SHQ1: variants seen among roughly 807,000 people sequenced by gnomAD.
The protein encoded by SHQ1 is protein SHQ1 homolog.
In SHQ1, 49 loss-of-function variants were observed where a neutral mutation model predicts 53.8. That is an observed-to-expected ratio of 0.91 (90% CI 0.72 to 1.16). The LOEUF (loss-of-function observed/expected upper bound fraction) is 1.16, where lower values mean the gene tolerates loss of function less well. Ranked by LOEUF, SHQ1 falls within the 50% of genes most tolerant of loss-of-function variation. The probability of loss-of-function intolerance (pLI) is 0.00; values close to 1 mark genes in which losing one functional copy is unlikely to be tolerated. For synonymous variants in SHQ1, 243 were observed against 251.0 expected (o/e 0.97, Z 0.30); for missense variants, 738 against 683.1 (o/e 1.08, Z -0.90).
At chr3:72,738,100 C>A in the SHQ1 span, among the ~76,000 whole-genome samples, 9 of 152,166 alleles carry the variant, frequency 5.9e-5, no homozygotes, top group African/African-American at 1.4e-4. Context: ...AACACCCCAC[C>A]CTAACGTCCC....
intron 10 of SHQ1, among the ~76,000 whole-genome samples, chr3:72,763,058 CACACAGAG>C (rs751952303): frequency 0.012 from 1,607 of 134,570 alleles, 10 homozygotes; most frequent in Middle Eastern, 0.019. Context: ...CACACACACA[CACACAGAG>C]AGAGAGAGAG....
chr3:72,752,651 C>T (rs563198272), intron 10 of SHQ1, among the ~76,000 whole-genome samples: 4 of 152,130 alleles, frequency 2.6e-5, no homozygotes, highest in South Asian at 2.1e-4. Flanking sequence ...CTCAGCATCC[C>T]GAGTAGCTTG....
intron 4 of SHQ1, among the ~76,000 whole-genome samples, chr3:72,840,289 C>T (rs1161329793): frequency 6.7e-6 from 1 of 148,568 alleles, no homozygotes; most frequent in Non-Finnish European, 1.5e-5. Context: ...ATAGGCTGGT[C>T]ACAGTGGCTC....
At chr3:72,805,768 AT>A (rs1329389691) in intron 9 of SHQ1, among the ~76,000 whole-genome samples, 1 of 152,184 alleles carries the variant, frequency 6.6e-6, no homozygotes, top group African/African-American at 2.4e-5. Context: ...ATTTTAAAAT[AT>A]TTTAAGTGAT....
At chr3:72,731,830 G>A in the SHQ1 span, among the ~76,000 whole-genome samples, 2 of 151,496 alleles carry the variant, frequency 1.3e-5, no homozygotes, top group African/African-American at 4.9e-5. Flanking sequence ...AAAGCCACAG[G>A]GAAAGCATCA....
In SHQ1 at chr3:72,750,444, G is replaced by A. The variant is rs535808421; in HGVS notation, c.1574C>T (p.Pro525Leu). 19 of 1,614,156 alleles carry A rather than the reference G, an allele frequency of 1.2e-5. No individual in the cohort carries two copies. In the African/African-American group the frequency reaches 2.5e-4, roughly 22 times the overall value. ...IQESDASQGK[P>L]LASSWPLGVS... Reference sequence around the variant, plus strand: ...TCCAAGAGGCCAGGAAGAGGCAAGTGGCTTTCCCTGACTGGCATCAGACTC... The same window carrying A: ...TCCAAGAGGCCAGGAAGAGGCAAGTAGCTTTCCCTGACTGGCATCAGACTC... Residue 525 changes from proline to leucine, a missense_variant, in exon 11 of 11, where the codon CCA (proline) becomes CTA (leucine). Physicochemically the swap from Pro to Leu is moderately conservative, Grantham distance 98 (BLOSUM62 -3). Transcript: ENST00000325599.
the SHQ1 span, among the ~76,000 whole-genome samples, chr3:72,726,802 T>C: frequency 0.031 from 4,783 of 152,204 alleles, 201 homozygotes; most frequent in East Asian, 0.099. Flanking sequence ...TTGATATCAA[T>C]TACTGCGTCG....
intron 10 of SHQ1, among the ~76,000 whole-genome samples, chr3:72,760,643 T>C (rs1705588566): frequency 6.6e-6 from 1 of 152,238 alleles, no homozygotes; most frequent in Admixed American, 6.5e-5. Context: ...TCATCTGCTC[T>C]CTTTCAACTG....
intron 10 of SHQ1, among the ~76,000 whole-genome samples, chr3:72,751,508 G>A (rs28603091): frequency 0.17 from 19,004 of 114,644 alleles, 2,207 homozygotes; most frequent in African/African-American, 0.22. Flanking sequence ...GTGTGTGTGT[G>A]TATATATATA....
At chr3:72,744,685 C>T (rs1188922768), downstream of SHQ1, among the ~76,000 whole-genome samples, 2 of 152,118 alleles carry the variant, frequency 1.3e-5, no homozygotes, top group African/African-American at 4.8e-5. Flanking sequence ...ATCAATGCTT[C>T]CTTCATTTGG....
At chr3:72,745,574 G>T (rs1189431167), downstream of SHQ1, among the ~76,000 whole-genome samples, 4 of 152,080 alleles carry the variant, frequency 2.6e-5, no homozygotes, top group Non-Finnish European at 2.9e-5. Flanking sequence ...CCACTAGCCG[G>T]CCTCTGTAGA....
chr3:72,758,567 CTTT>C (rs869225766), intron 10 of SHQ1, among the ~76,000 whole-genome samples: 2 of 126,110 alleles, frequency 1.6e-5, no homozygotes, highest in African/African-American at 3.0e-5. Flanking sequence ...ACTATTTTTT[CTTT>C]TTTTTTTTTT....
chr3:72,757,946 C>G (rs564699484), intron 10 of SHQ1, among the ~76,000 whole-genome samples: 2 of 152,290 alleles, frequency 1.3e-5, no homozygotes, highest in East Asian at 3.9e-4. Context: ...ACCTATATAA[C>G]AAACCTGCAC....
intron 10 of SHQ1, among the ~76,000 whole-genome samples, chr3:72,784,472 A>G (rs961501677): frequency 6.6e-6 from 1 of 152,210 alleles, no homozygotes; most frequent in Non-Finnish European, 1.5e-5. Context: ...GTGAATGGAT[A>G]CTGCCTTGTA....
chr3:72,772,600 A>G (rs1705878948), intron 10 of SHQ1: 4 of 707,358 alleles, frequency 5.7e-6, no homozygotes, highest in Admixed American at 1.9e-5. Context: ...ACTAAAAAAC[A>G]TTTTCTTAGG....
intron 4 of SHQ1, among the ~76,000 whole-genome samples, chr3:72,834,782 C>A (rs1707938375): frequency 6.6e-6 from 1 of 152,194 alleles, no homozygotes; most frequent in Non-Finnish European, 1.5e-5. Context: ...CATCTCAGCT[C>A]CAGTGGAATC....
In SHQ1 at chr3:72,750,049, T is replaced by C. The variant is rs532318075; in HGVS notation, c.*235A>G. 5.9e-6 allele frequency: 3 copies of C among 504,798 alleles called. No individual in the cohort carries two copies. The East Asian group carries it at 1.0e-4, about 17-fold the overall frequency. 31.3% of individuals were successfully genotyped at this position (504,798 alleles called of 1,614,324 possible). On this transcript the variant is annotated 3_prime_UTR_variant, in exon 11 of 11. Coordinates refer to ENST00000325599, the MANE Select transcript of SHQ1 (RefSeq NM_018130.3). Reference sequence around the variant, plus strand: ...AATGCTGTGGAAATAGTTGTCATACTGTATTATTTAGAGAATAATAACAAG... The same window carrying C: ...AATGCTGTGGAAATAGTTGTCATACCGTATTATTTAGAGAATAATAACAAG...
intron 10 of SHQ1, among the ~76,000 whole-genome samples, chr3:72,760,673 G>T (rs529986924): frequency 6.6e-6 from 1 of 152,198 alleles, no homozygotes; most frequent in African/African-American, 2.4e-5. Context: ...TAGTTGTTAT[G>T]AGAGTAATAT....
chr3:72,732,586 A>G, the SHQ1 span, among the ~76,000 whole-genome samples: 1 of 150,780 alleles, frequency 6.6e-6, no homozygotes, highest in African/African-American at 2.5e-5. Context: ...TCTCACTCTG[A>G]CTCTGGACTC....
Sources: allele counts gnomAD v4.1 joint callset (sites outside exome capture counted in the v4.1 genomes callset), GRCh38; gene constraint gnomAD v4.1.1; transcripts MANE v1.5; gene names NCBI Gene and HGNC (gene_info 2026-07-23, HGNC 2026-07-21).